The following PLG variants were observed in gnomAD, a reference collection of about 807,000 sequenced individuals.
PLG encodes the protein plasminogen.
Under a neutral mutation model 104.4 loss-of-function variants are expected in PLG, and 41 were observed. That is an observed-to-expected ratio of 0.39 (90% CI 0.31 to 0.51). The LOEUF (loss-of-function observed/expected upper bound fraction) is 0.51, where lower values mean the gene tolerates loss of function less well. Ranked by LOEUF, PLG falls within the 20% of genes least tolerant of loss-of-function variation. PLG has a pLI of 0.76. For synonymous variants in PLG, 337 were observed against 357.1 expected, an observed-to-expected ratio of 0.94 and a Z score of 0.63; for missense variants, 891 against 1,003.6, an observed-to-expected ratio of 0.89 and a Z score of 1.52.
intron 4 of PLG, chr6:160,711,916 T>C: frequency 7.5e-7 from 1 of 1,336,654 alleles, no homozygotes; most frequent in African/African-American, 1.5e-5. Context: ...TTATTTATTT[T>C]AGTGCATTTT....
At chr6:160,746,661 A>T (rs1409451652) in intron 17 of PLG, among the ~76,000 whole-genome samples, 1 of 152,086 alleles carries the variant, frequency 6.6e-6, no homozygotes, top group East Asian at 1.9e-4. Context: ...CTTGTTAAGA[A>T]CCCTTGTTAG....
rs549694498 is a variant in PLG, at chr6:160,727,218, A to T, written c.1257-3833A>T. 3.9e-5 allele frequency among the ~76,000 whole-genome samples: 6 copies of T among 151,990 alleles called. No individual in the cohort carries two copies. The South Asian group carries it at 1.2e-3, about 31-fold the overall frequency. Reference sequence around the variant, plus strand: ...TCCTTAGAAAAAAACAAATAAGCAAATTGGACACTGAATAAACTGAATTTC... The same window carrying T: ...TCCTTAGAAAAAAACAAATAAGCAATTTGGACACTGAATAAACTGAATTTC... On this transcript the variant is annotated intron_variant, in intron 10 of 18. Transcript: ENST00000308192.
rs143912021 is a variant in PLG, at chr6:160,744,777, T to C, written c.2125+3360T>C. On this transcript the variant is annotated intron_variant, in intron 17 of 18. Transcript: ENST00000308192. This position sits in a 1 kb window ranked among gnomAD's most constrained non-coding sequence, Gnocchi z 4.5. ...GGTTCTTAATTTGAGATCTTTCTTC[T>C]TGATGCTAGCATTTGGTGCTATGAA... Among the ~76,000 whole-genome samples, 215 of 152,072 alleles carry C rather than the reference T, an allele frequency of 1.4e-3. No individual in the cohort carries two copies. Among genetic ancestry groups the C allele is most frequent in the African/African-American group, 5.1e-3 (211 of 41,540 alleles).
chr6:160,711,701 T>G (rs1383168258), intron 4 of PLG: 3 of 1,608,612 alleles, frequency 1.9e-6, no homozygotes, highest in Admixed American at 3.4e-5. Flanking sequence ...CATAGAAGAA[T>G]GCCTAGTTTA....
intron 5 of PLG, chr6:160,713,454 A>G (rs1777679502): frequency 3.0e-6 from 1 of 335,716 alleles, no homozygotes; most frequent in Non-Finnish European, 5.8e-6. Flanking sequence ...TTTTTAGTAG[A>G]GACAGGGTTT....
intron 7 of PLG, 43 bp downstream of exon 7, chr6:160,716,806 CT>C (rs769710933): frequency 8.5e-7 from 1 of 1,175,354 alleles, no homozygotes; most frequent in Non-Finnish European, 1.3e-6. Flanking sequence ...TGGACCTGCC[CT>C]GTTCTTGAAA....
rs6690 is a variant in PLG at position 160,753,106 on chromosome 6, A to G, written c.*45A>G. On this transcript the variant is annotated 3_prime_UTR_variant, in exon 19 of 19. Coordinates refer to ENST00000308192, the MANE Select transcript of PLG (RefSeq NM_000301.5). The surrounding 1 kb of genome is among the most constrained non-coding windows in gnomAD (Gnocchi z 5.4). ...ACGCACTGACTCACCTAGAGGCTGG[A>G]ACGTGGGTAGGGATTTAGCATGCTG... The G allele has an allele frequency of 0.55, 668,094 of 1,220,176 alleles. 189,835 individuals carry two copies. The highest frequency in any genetic ancestry group is 0.98 in the East Asian group (39,239 of 39,864). 75.6% of individuals were successfully genotyped at this position (1,220,176 alleles called of 1,614,324 possible). A position where few individuals can be genotyped will look rare whatever the true frequency, so the allele number is the denominator to read the frequency against.
rs1160238121 is a variant in PLG at position 160,724,610 on chromosome 6, G to C, written c.1256+2043G>C. Among the ~76,000 whole-genome samples the C allele has an allele frequency of 6.6e-6, 1 of 152,100 alleles. No individual in the cohort carries two copies. Among genetic ancestry groups the C allele is most frequent in the Non-Finnish European group, 1.5e-5 (1 of 67,996 alleles). ...GAAGAAAATATATGTTTACACAGAA[G>C]AATAGTGGTAAAAATGACTGATGCC... is the stretch of plus-strand genomic sequence containing the variant. On this transcript the variant is annotated intron_variant, in intron 10 of 18. Transcript: ENST00000308192. This position sits in a 1 kb window ranked among gnomAD's most constrained non-coding sequence, Gnocchi z 5.0.
chr6:160,741,290 C>T lies in PLG; in HGVS notation c.2019-21C>T, dbSNP rs1778189472. 8 of 1,476,990 alleles carry T rather than the reference C, an allele frequency of 5.4e-6. No individual in the cohort carries two copies. The highest frequency in any genetic ancestry group is 7.6e-6 in the Non-Finnish European group (8 of 1,055,122). 91.5% of individuals were successfully genotyped at this position (1,476,990 alleles called of 1,614,324 possible). Reference sequence around the variant, plus strand: ...CTGCGAGCAGAGCAGTCAAACATAACTGCTGATGCTTTTCTTTCAGTCCTG... The same window carrying T: ...CTGCGAGCAGAGCAGTCAAACATAATTGCTGATGCTTTTCTTTCAGTCCTG... On this transcript the variant is annotated intron_variant, in intron 16 of 18. Transcript: ENST00000308192. The surrounding 1 kb of genome is among the most constrained non-coding windows in gnomAD (Gnocchi z 4.7).
In PLG at chr6:160,732,319, G is replaced by T. The variant is rs12529546; in HGVS notation, c.1587+426G>T. On this transcript the variant is annotated intron_variant, in intron 12 of 18. Transcript: ENST00000308192. This position sits in a 1 kb window ranked among gnomAD's most constrained non-coding sequence, Gnocchi z 4.5. ...TCCCTTAGCCTCATGCATTCTCTGC[G>T]ATGGTTTACTTTGGGGCCTATGAAT... is the stretch of plus-strand genomic sequence containing the variant. Among the ~76,000 whole-genome samples, 737 of 152,274 alleles carry T rather than the reference G, an allele frequency of 4.8e-3. 5 individuals carry two copies. Among genetic ancestry groups the T allele is most frequent in the South Asian group, 0.023 (111 of 4,828 alleles).
intron 17 of PLG, among the ~76,000 whole-genome samples, chr6:160,749,803 ATCACCG>A (rs1440062798): frequency 6.6e-6 from 1 of 150,746 alleles, no homozygotes; most frequent in Non-Finnish European, 1.5e-5. Context: ...ACCCACCACC[ATCACCG>A]TCACCATCAT....
At position 160,740,421 on chromosome 6, in the gene PLG, T is replaced by C. The variant is rs1254958248; in HGVS notation, c.2019-890T>C. Among the ~76,000 whole-genome samples the C allele has an allele frequency of 2.6e-5, 4 of 151,962 alleles. No homozygotes were observed. The highest frequency in any genetic ancestry group is 2.9e-5 in the Non-Finnish European group (2 of 67,994). On this transcript the variant is annotated intron_variant, in intron 16 of 18. Transcript: ENST00000308192. This position sits in a 1 kb window ranked among gnomAD's most constrained non-coding sequence, Gnocchi z 5.2. ...TTGGAAATTTTGGGTTTTGGAGGAGTTCTCTGATAGGCTGATACATTTCGA... is the reference window on the plus strand; with the variant it reads ...TTGGAAATTTTGGGTTTTGGAGGAGCTCTCTGATAGGCTGATACATTTCGA...
chr6:160,748,417 G>GAAAGAAAAA (rs1554252983), intron 17 of PLG, among the ~76,000 whole-genome samples: 1 of 62,362 alleles, frequency 1.6e-5, no homozygotes, highest in African/African-American at 6.4e-5. Flanking sequence ...AGAAAGAAAG[G>GAAAGAAAAA]GAAAGAAAGA....
chr6:160,728,648 A>G (rs1484175994), intron 10 of PLG, among the ~76,000 whole-genome samples: 1 of 152,142 alleles, frequency 6.6e-6, no homozygotes, highest in African/African-American at 2.4e-5. Flanking sequence ...TTCAACAGGG[A>G]AAAACATCTT....
rs888199194 is a variant in PLG, at chr6:160,735,680, C to T, written c.1682-1207C>T. 6.6e-6 allele frequency among the ~76,000 whole-genome samples: 1 copy of T among 152,206 alleles called. No individual in the cohort carries two copies. ...CTCTGGTGGTGAATGATTTTAATAA[C>T]TATTTCCTTTCCACCAACATATACA... On this transcript the variant is annotated intron_variant, in intron 13 of 18. Transcript: ENST00000308192. This position sits in a 1 kb window ranked among gnomAD's most constrained non-coding sequence, Gnocchi z 5.4.
intron 17 of PLG, among the ~76,000 whole-genome samples, chr6:160,746,116 T>G (rs930295314): frequency 1.3e-5 from 2 of 152,224 alleles, no homozygotes; most frequent in Non-Finnish European, 2.9e-5. Context: ...GAGGATGATC[T>G]TCTTGTATAG....
In PLG at chr6:160,737,072, A is replaced by G. The variant is rs1258930807; in HGVS notation, c.1802+65A>G. The G allele has an allele frequency of 1.2e-5, 19 of 1,603,028 alleles. No individual in the cohort carries two copies. Among genetic ancestry groups the G allele is most frequent in the Admixed American group, 1.7e-5 (1 of 59,664 alleles). On this transcript the variant is annotated intron_variant, in intron 14 of 18. Coordinates refer to ENST00000308192, the MANE Select transcript of PLG (RefSeq NM_000301.5). The surrounding 1 kb of genome is among the most constrained non-coding windows in gnomAD (Gnocchi z 4.7). ...CGTAAGCCCTGCAAAACCCTTCTAC[A>G]TTTACATAAAATCCACACAGCTGAG...
rs4252194 is a variant in PLG at position 160,737,697 on chromosome 6, G to A, written c.1802+690G>A. Among the ~76,000 whole-genome samples, 2,363 of 152,206 alleles carry A rather than the reference G, an allele frequency of 0.016. 68 individuals are homozygous for A. In the Middle Eastern group the frequency reaches 0.18, roughly 12 times the overall value. On this transcript the variant is annotated intron_variant, in intron 14 of 18. Transcript: ENST00000308192. The surrounding 1 kb of genome is among the most constrained non-coding windows in gnomAD (Gnocchi z 4.7). ...TTGCTTCCTCATCTCACTTCTACAC[G>A]AGGGTGCCTGTGCTCAATTGCTGTT...
In PLG at chr6:160,713,271, G is replaced by GA. The variant is rs201858496; in HGVS notation, c.547+148dup. On this transcript the variant is annotated intron_variant, in intron 5 of 18. Coordinates refer to ENST00000308192, the MANE Select transcript of PLG (RefSeq NM_000301.5). ...AGAAGCAAAACCCCAGAATTAACCT[G>GA]AATTTTTTTTTTTTCTGAGACAGAG... 1.1e-5 allele frequency: 8 copies of GA among 710,266 alleles called. No homozygotes were observed. The African/African-American group carries it at 1.8e-4, about 16-fold the overall frequency. The allele number at this position is 710,266 out of a possible 1,614,324, so 44.0% of individuals were successfully genotyped here. A position where few individuals can be genotyped will look rare whatever the true frequency, so the allele number is the denominator to read the frequency against.
Sources: gnomAD v4.1 joint callset for allele counts (sites outside exome capture counted in the v4.1 genomes callset) on GRCh38, gnomAD v4.1.1 for gene constraint, Gnocchi (gnomAD v3.1) non-coding constraint, MANE v1.5 for transcripts, NCBI Gene and HGNC (gene_info 2026-07-23, HGNC 2026-07-21) for gene names.